NDUFAF6: variants seen among roughly 807,000 people sequenced by gnomAD.
The protein encoded by NDUFAF6 is NADH:ubiquinone oxidoreductase complex assembly factor 6, also known as NADH dehydrogenase (ubiquinone) complex I, assembly factor 6.
A neutral mutation model predicts 40.8 loss-of-function variants in NDUFAF6; 45 were observed. That is an observed-to-expected ratio of 1.10 (90% CI 0.87 to 1.42). NDUFAF6 has a LOEUF of 1.42. NDUFAF6 is among the 40% of genes most tolerant of loss of function. NDUFAF6 has a pLI of 0.00. For missense variants in NDUFAF6, 435 were observed against 418.5 expected (o/e 1.04, Z -0.34); for synonymous variants, 185 against 155.9 (o/e 1.19, Z -1.39).
intron 1 of NDUFAF6, among the ~76,000 whole-genome samples, chr8:94,914,051 T>G (rs1818958890): frequency 6.6e-6 from 1 of 151,282 alleles, no homozygotes; most frequent in Admixed American, 6.6e-5. Flanking sequence ...TTTGGCCTCC[T>G]AGAGTTGGGA....
chr8:95,037,287 C>T (rs577849646), intron 3 of NDUFAF6, among the ~76,000 whole-genome samples: 32 of 152,270 alleles, frequency 2.1e-4, no homozygotes, highest in African/African-American at 6.5e-4. Context: ...CCTTGGTCTC[C>T]GATTTCCTTC....
chr8:94,942,137 C>T (rs972538894), intron 1 of NDUFAF6, among the ~76,000 whole-genome samples: 13 of 151,760 alleles, frequency 8.6e-5, no homozygotes, highest in African/African-American at 1.7e-4. Flanking sequence ...CCCGGGTTCA[C>T]GCCATTCTCC....
intron 2 of NDUFAF6, chr8:95,034,169 G>A (rs1165087349): frequency 8.5e-5 from 37 of 436,602 alleles, no homozygotes; most frequent in Non-Finnish European, 1.3e-4. Flanking sequence ...TTAATATTTT[G>A]TCCCATTTGC....
chr8:94,966,976 C>T lies in NDUFAF6; in HGVS notation c.-199+8797C>T, dbSNP rs76335600. Among the ~76,000 whole-genome samples the T allele has an allele frequency of 2.0e-5, 3 of 152,206 alleles. No individual in the cohort carries two copies. In the East Asian group the frequency reaches 5.8e-4, roughly 29 times the overall value. On this transcript the variant is annotated intron_variant, in intron 1 of 9. Transcript: ENST00000396111. ...GCTGGAAATGCAGTTCTTAGCTAGGCCCCTCACTGCACCAACTAAATCAGG... is the reference window on the plus strand; with the variant it reads ...GCTGGAAATGCAGTTCTTAGCTAGGTCCCTCACTGCACCAACTAAATCAGG...
At chr8:95,054,418 C>G (rs573957394) in intron 8 of NDUFAF6, among the ~76,000 whole-genome samples, 5 of 146,854 alleles carry the variant, frequency 3.4e-5, no homozygotes, top group African/African-American at 1.2e-4. Context: ...GGGGGTGGGG[C>G]CCAGTTCTCA....
downstream of NDUFAF6, chr8:95,116,473 C>T (rs1441853387): frequency 6.6e-6 from 1 of 152,018 alleles, no homozygotes; most frequent in Non-Finnish European, 1.5e-5. Flanking sequence ...CCACCTCAGC[C>T]CCCCAAGTAG....
chr8:95,106,612 A>G (rs4735346), downstream of NDUFAF6, among the ~76,000 whole-genome samples: 126,346 of 152,124 alleles, frequency 0.83, 52,875 homozygotes, highest in East Asian at 1. Context: ...CAATGGCAAC[A>G]AAAGCCAAAA....
intron 2 of NDUFAF6, among the ~76,000 whole-genome samples, chr8:95,033,073 A>T (rs1360759925): frequency 6.6e-6 from 1 of 152,128 alleles, no homozygotes; most frequent in Non-Finnish European, 1.5e-5. Context: ...AATTTTACAG[A>T]CAGGTCACCC....
chr8:95,062,544 A>G (rs1486166488), downstream of NDUFAF6, among the ~76,000 whole-genome samples: 5 of 152,194 alleles, frequency 3.3e-5, no homozygotes, highest in Non-Finnish European at 7.4e-5. Context: ...GGCATGAGCT[A>G]TTATCTCAAA....
intron 1 of NDUFAF6, chr8:94,930,388 T>G: frequency 6.5e-7 from 1 of 1,534,382 alleles, no homozygotes; most frequent in African/African-American, 1.4e-5. Flanking sequence ...ATCAATTGGT[T>G]GTAAAGAGAC....
At chr8:95,069,174 C>T (rs877350) in intron 9 of NDUFAF6, 128,102 of 151,738 alleles carry the variant, frequency 0.84, 55,328 homozygotes, top group East Asian at 1. Flanking sequence ...TATTGAGCAC[C>T]AGGCACTGTT....
rs1035773298 is a variant in NDUFAF6 at position 95,025,163 on chromosome 8, C to G, written c.155C>G (p.Pro52Arg). ...CGGAGCGTGGCTGCGGCCAGCGGAC[C>G]GGGCGCCTGGGGCACTGACCACTAC... ...SGRSVAAASG[P>R]GAWGTDHYCL... The change falls in exon 1 of 9, where the codon CCG becomes CGG. Residue 52 changes from proline (P) to arginine (R), a missense_variant. Transcript: ENST00000396124. The G allele has an allele frequency of 6.7e-6, 10 of 1,481,798 alleles. No homozygotes were observed. The highest frequency in any genetic ancestry group is 2.4e-5 in the Admixed American group (1 of 41,316). 91.8% of individuals were successfully genotyped at this position (1,481,798 alleles called of 1,614,324 possible).
chr8:94,919,687 T>A (rs1563709105), intron 1 of NDUFAF6, among the ~76,000 whole-genome samples: 1 of 152,180 alleles, frequency 6.6e-6, no homozygotes, highest in Non-Finnish European at 1.5e-5. Flanking sequence ...AACCCCCTGG[T>A]GGCACTGAAC....
At chr8:94,966,140 G>A (rs1008133246) in intron 1 of NDUFAF6, among the ~76,000 whole-genome samples, 3 of 152,080 alleles carry the variant, frequency 2.0e-5, no homozygotes, top group East Asian at 1.9e-4. Flanking sequence ...TACAGGCATC[G>A]GTTTGTAAGT....
At chr8:95,064,178 C>G (rs1273575490) in intron 9 of NDUFAF6, among the ~76,000 whole-genome samples, 1 of 151,748 alleles carries the variant, frequency 6.6e-6, no homozygotes, top group East Asian at 1.9e-4. Context: ...GCGTGAGTCC[C>G]TGCACCCGGC....
chr8:95,058,074 T>C lies in NDUFAF6; in HGVS notation c.*137T>C. On this transcript the variant is annotated 3_prime_UTR_variant, in exon 9 of 9. Coordinates refer to ENST00000396124, the MANE Select transcript of NDUFAF6 (RefSeq NM_152416.4). Reference sequence around the variant, plus strand: ...TGGGATGTCAAGTAGCTCACAAAATTGAGAAGTTGCCGTGGGACTAGGGTG... The same window carrying C: ...TGGGATGTCAAGTAGCTCACAAAATCGAGAAGTTGCCGTGGGACTAGGGTG... 6.8e-7 allele frequency: 1 copy of C among 1,467,828 alleles called. No homozygotes were observed. The highest frequency in any genetic ancestry group is 8.9e-7 in the Non-Finnish European group (1 of 1,119,282). 90.9% of individuals were successfully genotyped at this position (1,467,828 alleles called of 1,614,324 possible). A position where few individuals can be genotyped will look rare whatever the true frequency, so the allele number is the denominator to read the frequency against.
upstream of NDUFAF6, among the ~76,000 whole-genome samples, chr8:95,022,242 G>T (rs1827720126): frequency 6.6e-6 from 1 of 151,846 alleles, no homozygotes; most frequent in Non-Finnish European, 1.5e-5. Flanking sequence ...AATACCTTCA[G>T]AATTATTTTA....
intron 2 of NDUFAF6, among the ~76,000 whole-genome samples, chr8:95,015,744 A>G (rs1423087739): frequency 6.6e-6 from 1 of 152,250 alleles, no homozygotes; most frequent in East Asian, 1.9e-4. Context: ...CATACAATAC[A>G]TACTTTTATA....
intron 1 of NDUFAF6, chr8:94,930,870 T>TTTA: frequency 3.0e-6 from 3 of 1,013,064 alleles, no homozygotes; most frequent in Non-Finnish European, 4.2e-6. Flanking sequence ...GACAGACAAG[T>TTTA]TTATTATTCT....
Sources: gnomAD v4.1 joint callset for allele counts (sites outside exome capture counted in the v4.1 genomes callset) on GRCh38, gnomAD v4.1.1 for gene constraint, MANE v1.5 for transcripts, NCBI Gene and HGNC (gene_info 2026-07-23, HGNC 2026-07-21) for gene names.